MDGA2: variants seen among roughly 807,000 people sequenced by gnomAD.
The protein encoded by MDGA2 is MAM domain containing glycosylphosphatidylinositol anchor 2.
Under a neutral mutation model 117.8 loss-of-function variants are expected in MDGA2, and 40 were observed. That is an observed-to-expected ratio of 0.34 (90% CI 0.26 to 0.44). MDGA2 has a LOEUF of 0.44. MDGA2 is among the 20% of genes least tolerant of loss of function. The pLI is 1.00. For missense variants in MDGA2, 1,123 were observed against 1,250.6 expected (o/e 0.90, Z 1.54); for synonymous variants, 452 against 439.0 (o/e 1.03, Z -0.37).
intron 1 of MDGA2, among the ~76,000 whole-genome samples, chr14:47,385,567 T>G (rs1243186288): frequency 6.6e-6 from 1 of 152,170 alleles, no homozygotes; most frequent in Non-Finnish European, 1.5e-5. Flanking sequence ...ACACTGATAA[T>G]TAAAAAGCTA....
chr14:47,037,968 T>C (rs1396654309), intron 7 of MDGA2, among the ~76,000 whole-genome samples: 1 of 152,174 alleles, frequency 6.6e-6, no homozygotes, highest in Non-Finnish European at 1.5e-5. Flanking sequence ...CTCGCTCTGT[T>C]GCCCAGGCTG....
chr14:47,308,057 G>A (rs1889513524), intron 1 of MDGA2, among the ~76,000 whole-genome samples: 1 of 152,084 alleles, frequency 6.6e-6, no homozygotes, highest in Non-Finnish European at 1.5e-5. Flanking sequence ...TACATACCAT[G>A]GAGTTGTCAG....
At chr14:47,302,879 G>T (rs1472567011) in intron 1 of MDGA2, among the ~76,000 whole-genome samples, 1 of 152,066 alleles carries the variant, frequency 6.6e-6, no homozygotes, top group East Asian at 1.9e-4. Context: ...AGATGGAAAA[G>T]ACCGCTTATG....
chr14:47,378,431 G>A (rs1038258577), intron 1 of MDGA2, among the ~76,000 whole-genome samples: 9 of 152,198 alleles, frequency 5.9e-5, no homozygotes, highest in Non-Finnish European at 8.8e-5. Flanking sequence ...GCTAAAGGCA[G>A]ATGTTTGAAC....
At chr14:47,173,557 T>G (rs920693426) in intron 3 of MDGA2, among the ~76,000 whole-genome samples, 1 of 152,098 alleles carries the variant, frequency 6.6e-6, no homozygotes, top group Non-Finnish European at 1.5e-5. Context: ...CTAAGCTTCA[T>G]AAGTGAAGGA....
At chr14:47,099,297 C>T (rs948300574) in intron 5 of MDGA2, among the ~76,000 whole-genome samples, 72 of 151,788 alleles carry the variant, frequency 4.7e-4, no homozygotes, top group African/African-American at 1.7e-3. Context: ...CTTTTTAAAA[C>T]TATAAGGCTT....
At chr14:47,297,572 C>A (rs12895147) in intron 2 of MDGA2, among the ~76,000 whole-genome samples, 2 of 151,798 alleles carry the variant, frequency 1.3e-5, no homozygotes, top group Admixed American at 1.3e-4. Context: ...TAGCTGAATC[C>A]TGAAGCTGTA....
At chr14:46,993,861 G>T (rs1021034812) in intron 8 of MDGA2, among the ~76,000 whole-genome samples, 5 of 152,148 alleles carry the variant, frequency 3.3e-5, no homozygotes, top group Admixed American at 2.6e-4. Flanking sequence ...CTTGCCCAAA[G>T]AAAGGTATTG....
At chr14:47,155,885 CTTCTTTTTTTTTTTTTTTTTTTTTTTT>C (rs778068001) in intron 3 of MDGA2, among the ~76,000 whole-genome samples, 13,214 of 80,306 alleles carry the variant, frequency 0.16, 1,037 homozygotes, top group Middle Eastern at 0.23. Flanking sequence ...TCTTCTTCTT[CTTCTTTTTTTTTTTTTTTTTTTTTTTT>C]TTTTTTTTTT....
chr14:47,024,146 T>G (rs907088639), intron 8 of MDGA2, among the ~76,000 whole-genome samples: 11 of 152,188 alleles, frequency 7.2e-5, no homozygotes, highest in African/African-American at 2.7e-4. Flanking sequence ...CATTCATACA[T>G]AGCTCTCTAA....
intron 1 of MDGA2, among the ~76,000 whole-genome samples, chr14:47,383,595 G>A (rs1891685585): frequency 6.6e-6 from 1 of 152,078 alleles, no homozygotes; most frequent in Non-Finnish European, 1.5e-5. Context: ...CTGGAGTGCA[G>A]TGGCATGATC....
At chr14:46,945,942 A>G (rs1450476924) in intron 9 of MDGA2, among the ~76,000 whole-genome samples, 1 of 152,128 alleles carries the variant, frequency 6.6e-6, no homozygotes, top group Non-Finnish European at 1.5e-5. Flanking sequence ...GGAAGACATG[A>G]GTTGTATAAT....
chr14:47,323,470 C>T, intron 1 of MDGA2, among the ~76,000 whole-genome samples: 1 of 151,552 alleles, frequency 6.6e-6, no homozygotes. Flanking sequence ...TACTAAAAAA[C>T]AAATTTAAAA....
chr14:46,846,256 A>AT (rs1286088238), intron 15 of MDGA2, among the ~76,000 whole-genome samples: 2 of 152,170 alleles, frequency 1.3e-5, no homozygotes, highest in Non-Finnish European at 2.9e-5. Flanking sequence ...TCATAACATT[A>AT]GTTTTCTAGA....
chr14:46,960,634 ATGTG>A (rs1379974221), intron 8 of MDGA2: 1 of 151,920 alleles, frequency 6.6e-6, no homozygotes, highest in African/African-American at 2.4e-5. Flanking sequence ...GTCTGTATGT[ATGTG>A]TGTGTATACA....
intron 8 of MDGA2, among the ~76,000 whole-genome samples, chr14:46,964,987 G>C (rs1311189699): frequency 7.7e-6 from 1 of 130,110 alleles, no homozygotes; most frequent in Admixed American, 8.7e-5. Flanking sequence ...GCAGTGGCAC[G>C]ATCTCGGCTC....
At chr14:47,528,237 C>T (rs183008257) in intron 1 of MDGA2, among the ~76,000 whole-genome samples, 2 of 152,312 alleles carry the variant, frequency 1.3e-5, no homozygotes, top group African/African-American at 2.4e-5. Flanking sequence ...TGCTAACAGT[C>T]ACACCTCTGA....
intron 1 of MDGA2, among the ~76,000 whole-genome samples, chr14:47,445,656 A>T (rs1893106149): frequency 6.6e-6 from 1 of 152,158 alleles, no homozygotes; most frequent in Non-Finnish European, 1.5e-5. Flanking sequence ...ATTCTTACCC[A>T]CTCTTACTCA....
rs753453283 is a variant in MDGA2, at chr14:47,674,721, G to A, written c.76C>T (p.Leu26Phe). 7 of 843,094 alleles carry A rather than the reference G, an allele frequency of 8.3e-6. No homozygotes were observed. The East Asian group carries it at 1.6e-4, about 19-fold the overall frequency. The allele number at this position is 843,094 out of a possible 1,614,324, so 52.2% of individuals were successfully genotyped here. A position where few individuals can be genotyped will look rare whatever the true frequency, so the allele number is the denominator to read the frequency against. Residue 26 changes from leucine (L) to phenylalanine (F), a missense_variant, in exon 1 of 17, where the codon CTC (leucine) becomes TTC (phenylalanine). Transcript: ENST00000399232. ...TGCCCGGGAACCGCTCGCCGAAGGA[G>A]GAAGCGCCGTCCGTCTGTCCTTCCC... Reference protein sequence around the residue: ...RRGRTDGRRFLLRRAVPGHLG... With the variant: ...RRGRTDGRRFFLRRAVPGHLG...
Sources: allele counts gnomAD v4.1 joint callset (sites outside exome capture counted in the v4.1 genomes callset), GRCh38; gene constraint gnomAD v4.1.1; transcripts MANE v1.5; gene names NCBI Gene and HGNC (gene_info 2026-07-23, HGNC 2026-07-21).